Variants in HHIP observed in about 807,000 individuals in gnomAD.
HHIP encodes hedgehog interacting protein.
In HHIP, 12 loss-of-function variants were observed where a neutral mutation model predicts 74.0. The ratio of observed to expected loss-of-function variants is 0.16; its 90% CI spans 0.10 to 0.26. The LOEUF (loss-of-function observed/expected upper bound fraction) is 0.26, where lower values mean the gene tolerates loss of function less well. Among genes scored for constraint, HHIP ranks in the 10% least tolerant of loss-of-function variants. The pLI, the probability that HHIP is intolerant of heterozygous loss-of-function variation, is 1.00. For missense variants in HHIP, 788 were observed against 845.0 expected (o/e 0.93, Z 0.84); for synonymous variants, 309 against 311.6 (o/e 0.99, Z 0.09).
intron 4 of HHIP, among the ~76,000 whole-genome samples, chr4:144,669,647 G>A (rs1254201281): frequency 6.6e-6 from 1 of 152,094 alleles, no homozygotes; most frequent in Admixed American, 6.5e-5. Context: ...GAATGTCAAT[G>A]AATATGATCT....
chr4:144,725,796 G>A (rs1036968112), intron 11 of HHIP, among the ~76,000 whole-genome samples: 4 of 152,040 alleles, frequency 2.6e-5, no homozygotes, highest in Non-Finnish European at 5.9e-5. Flanking sequence ...AGCCTCCCAA[G>A]TAGCTGGGAT....
chr4:144,733,671 T>C (rs183498019), intron 11 of HHIP, among the ~76,000 whole-genome samples: 9 of 152,320 alleles, frequency 5.9e-5, no homozygotes, highest in African/African-American at 1.9e-4. Context: ...CCTAATGCTG[T>C]TGATTTGACT....
At chr4:144,728,773 T>A (rs1371799253) in intron 11 of HHIP, among the ~76,000 whole-genome samples, 1 of 152,146 alleles carries the variant, frequency 6.6e-6, no homozygotes, top group Non-Finnish European at 1.5e-5. Context: ...AGATCAATAT[T>A]ACATGGTTAC....
intron 4 of HHIP, among the ~76,000 whole-genome samples, chr4:144,677,498 C>T (rs1729202136): frequency 6.6e-6 from 1 of 152,146 alleles, no homozygotes; most frequent in Admixed American, 6.5e-5. Context: ...GGGCCCCACA[C>T]CCATCCTGGG....
chr4:144,683,170 T>C (rs1389801778), intron 4 of HHIP, among the ~76,000 whole-genome samples: 1 of 152,226 alleles, frequency 6.6e-6, no homozygotes, highest in African/African-American at 2.4e-5. Flanking sequence ...AGATTGTTGA[T>C]ATGTAATTAA....
chr4:144,713,529 T>C (rs1212533373), intron 8 of HHIP, among the ~76,000 whole-genome samples: 1 of 152,184 alleles, frequency 6.6e-6, no homozygotes, highest in East Asian at 1.9e-4. Context: ...TGCAAGTAGC[T>C]TTAGAGCTTT....
At chr4:144,669,421 T>C (rs919058198) in intron 4 of HHIP, among the ~76,000 whole-genome samples, 1 of 152,212 alleles carries the variant, frequency 6.6e-6, no homozygotes, top group African/African-American at 2.4e-5. Context: ...GGAGGTCAAA[T>C]TGGAATCCTT....
chr4:144,717,629 C>T (rs1056418868), intron 10 of HHIP, among the ~76,000 whole-genome samples: 2 of 152,068 alleles, frequency 1.3e-5, no homozygotes, highest in African/African-American at 4.8e-5. Flanking sequence ...TGGTGATAAA[C>T]GGGGTGGTTT....
At chr4:144,713,716 C>T (rs1730363992) in intron 8 of HHIP, among the ~76,000 whole-genome samples, 1 of 152,130 alleles carries the variant, frequency 6.6e-6, no homozygotes. Context: ...TAAGTTACAA[C>T]ATTTTCACAT....
chr4:144,717,191 A>T (rs190201392), intron 10 of HHIP, among the ~76,000 whole-genome samples: 52 of 152,346 alleles, frequency 3.4e-4, no homozygotes, highest in Non-Finnish European at 6.6e-4. Context: ...CTTTAATTGA[A>T]GAACCATATA....
At chr4:144,667,771 T>G (rs1484263274) in intron 4 of HHIP, among the ~76,000 whole-genome samples, 1 of 152,194 alleles carries the variant, frequency 6.6e-6, no homozygotes, top group Non-Finnish European at 1.5e-5. Flanking sequence ...GTCTTTTTTG[T>G]GTTTATTTTG....
intron 4 of HHIP, among the ~76,000 whole-genome samples, chr4:144,671,615 G>A (rs1357561261): frequency 6.6e-6 from 1 of 152,190 alleles, no homozygotes; most frequent in African/African-American, 2.4e-5. Flanking sequence ...CTGATCATAT[G>A]ATGATACCAG....
Position 144,660,629 on chromosome 4 carries a change from T to C in HHIP, c.831+791T>C, listed in dbSNP as rs1343236782. On this transcript the variant is annotated intron_variant, in intron 4 of 12. Transcript: ENST00000296575. The stretch of plus-strand genomic sequence containing the variant: ...GAGGATTTATAGTCTTCTACTCACA[T>C]AGAAATGAACTCTTTCTTGCTTTGT... 2.6e-5 allele frequency among the ~76,000 whole-genome samples: 4 copies of C among 151,648 alleles called. No individual in the cohort carries two copies. In the East Asian group the frequency reaches 7.7e-4, roughly 29 times the overall value.
At chr4:144,670,783 A>G (rs922559073) in intron 4 of HHIP, among the ~76,000 whole-genome samples, 5 of 150,424 alleles carry the variant, frequency 3.3e-5, no homozygotes, top group East Asian at 3.9e-4. Flanking sequence ...AAAAAAAAAA[A>G]AAAAAGAAAG....
chr4:144,670,618 G>A lies in HHIP; in HGVS notation c.831+10780G>A, dbSNP rs1039416056. 4.0e-5 allele frequency among the ~76,000 whole-genome samples: 6 copies of A among 150,192 alleles called. No homozygotes were observed. In the South Asian group the frequency reaches 1.3e-3, roughly 32 times the overall value. On this transcript the variant is annotated intron_variant, in intron 4 of 12. Transcript: ENST00000296575. Reference sequence around the variant, plus strand: ...CACAAACTTTCATAAAATGGCATCTGTCCTCAGGCTTTTCTAGATAGGGAA... The same window carrying A: ...CACAAACTTTCATAAAATGGCATCTATCCTCAGGCTTTTCTAGATAGGGAA...
chr4:144,685,050 G>C (rs1387380292), intron 4 of HHIP, among the ~76,000 whole-genome samples: 1 of 152,150 alleles, frequency 6.6e-6, no homozygotes, highest in Non-Finnish European at 1.5e-5. Context: ...CTGTAGCACT[G>C]CTCAACTTAC....
At chr4:144,708,147 C>G in intron 6 of HHIP, 21 bp from the exon 7 acceptor site, 1 of 1,612,910 alleles carries the variant, frequency 6.2e-7, no homozygotes, top group Non-Finnish European at 8.5e-7. Flanking sequence ...AAAACACATA[C>G]TCTGTCCCCC....
rs893844388 is a variant in HHIP at position 144,742,283 on chromosome 4, A to G, written c.*4326A>G. ...TTGATTCCACATTTTCTCAAATTCT[A>G]TATAACAAATAATAGTGGATAGTAA... is the stretch of plus-strand genomic sequence containing the variant. On this transcript the variant is annotated 3_prime_UTR_variant, in exon 13 of 13. Transcript: ENST00000296575. 2.0e-5 allele frequency: 3 copies of G among 152,092 alleles called. No individual in the cohort carries two copies. Among genetic ancestry groups the G allele is most frequent in the African/African-American group, 7.2e-5 (3 of 41,408 alleles). 9.4% of individuals were successfully genotyped at this position (152,092 alleles called of 1,614,324 possible).
chr4:144,683,359 T>C (rs1295558769), intron 4 of HHIP, among the ~76,000 whole-genome samples: 1 of 152,208 alleles, frequency 6.6e-6, no homozygotes, highest in African/African-American at 2.4e-5. Flanking sequence ...GAAGAGTTTC[T>C]GAATATAAAA....
Sources: allele counts gnomAD v4.1 joint callset (sites outside exome capture counted in the v4.1 genomes callset), GRCh38; gene constraint gnomAD v4.1.1; transcripts MANE v1.5; gene names NCBI Gene and HGNC (gene_info 2026-07-23, HGNC 2026-07-21).